ADGRL1: variants seen among roughly 807,000 people sequenced by gnomAD.
ADGRL1 encodes the protein CIRL-1.
A neutral mutation model predicts 148.9 loss-of-function variants in ADGRL1; 31 were observed. That is an observed-to-expected ratio of 0.21 (90% CI 0.16 to 0.28). The LOEUF (loss-of-function observed/expected upper bound fraction) is 0.28. Among genes scored for constraint, ADGRL1 ranks in the 10% least tolerant of loss-of-function variants. The probability of loss-of-function intolerance (pLI) is 1.00; values close to 1 mark genes in which losing one functional copy is unlikely to be tolerated. For synonymous variants in ADGRL1, 937 were observed against 900.3 expected, an observed-to-expected ratio of 1.04 and a Z score of -0.73; for missense variants, 1,521 against 2,058.8, an observed-to-expected ratio of 0.74 and a Z score of 5.05.
At position 14,152,638 on chromosome 19, in the gene ADGRL1, G is replaced by A. The variant is rs1237433071; in HGVS notation, c.3424-25C>T. ...TCTGGGAACACAACCCAAATGTGAG[G>A]GGATCCTTGGGCCACCCACCCTCTG... is the stretch of plus-strand genomic sequence containing the variant. On this transcript the variant is annotated intron_variant, in intron 19 of 22. Transcript: ENST00000361434. This position sits in a 1 kb window ranked among gnomAD's most constrained non-coding sequence, Gnocchi z 6.1. 7 of 1,608,922 alleles carry A rather than the reference G, an allele frequency of 4.4e-6. No individual in the cohort carries two copies. The highest frequency in any genetic ancestry group is 4.0e-5 in the African/African-American group (3 of 74,774).
intron 1 of ADGRL1, among the ~76,000 whole-genome samples, chr19:14,202,585 G>C (rs1319038109): frequency 2.0e-5 from 3 of 152,134 alleles, no homozygotes; most frequent in Non-Finnish European, 4.4e-5. Flanking sequence ...CCCCATATGT[G>C]TTGCTAGAGT....
intron 1 of ADGRL1, among the ~76,000 whole-genome samples, chr19:14,184,904 G>A (rs552107658): frequency 3.9e-4 from 60 of 152,200 alleles, no homozygotes; most frequent in Admixed American, 7.2e-4. Flanking sequence ...CTCCCAAAGT[G>A]CTGGGATTAC....
intron 1 of ADGRL1, among the ~76,000 whole-genome samples, chr19:14,203,840 G>A (rs1972780329): frequency 6.6e-6 from 1 of 152,102 alleles, no homozygotes; most frequent in South Asian, 2.1e-4. Flanking sequence ...CCAGAAGTGG[G>A]GATTGAGATG....
chr19:14,205,253 G>A (rs1972910252), intron 1 of ADGRL1, among the ~76,000 whole-genome samples: 3 of 152,004 alleles, frequency 2.0e-5, no homozygotes, highest in Non-Finnish European at 4.4e-5. Flanking sequence ...CACCTGGGGT[G>A]GGGGTGGGGA....
chr19:14,154,154 T>C (rs1968498592), intron 18 of ADGRL1, among the ~76,000 whole-genome samples: 1 of 151,838 alleles, frequency 6.6e-6, no homozygotes, highest in Admixed American at 6.6e-5. Context: ...GCGTGTGAGG[T>C]GGGGGCTGTG....
intron 1 of ADGRL1, among the ~76,000 whole-genome samples, chr19:14,196,737 C>G (rs1972287992): frequency 6.6e-6 from 1 of 152,206 alleles, no homozygotes; most frequent in Non-Finnish European, 1.5e-5. Context: ...CCTCCTGCAT[C>G]TTCCTTTTGG....
chr19:14,161,706 A>G lies in ADGRL1; in HGVS notation c.1196-80T>C, dbSNP rs1315835533. 1.0e-6 allele frequency: 1 copy of G among 998,324 alleles called. No individual in the cohort carries two copies. The highest frequency in any genetic ancestry group is 1.3e-6 in the Non-Finnish European group (1 of 750,346). 61.8% of individuals were successfully genotyped at this position (998,324 alleles called of 1,614,324 possible). On this transcript the variant is annotated intron_variant, in intron 5 of 22. Coordinates refer to ENST00000361434, the MANE Select transcript of ADGRL1 (RefSeq NM_014921.5). The surrounding 1 kb of genome is among the most constrained non-coding windows in gnomAD (Gnocchi z 4.4). ...GTGCTTGGGCAGGGGGTCCCAGGCC[A>G]TCTTAGCATCTTCCTCATCTACTGA...
rs760618787 is a variant in ADGRL1, at chr19:14,162,768, T to C, written c.1033A>G (p.Thr345Ala). The C allele has an allele frequency of 1.2e-6, 2 of 1,613,882 alleles. No individual in the cohort carries two copies. Among genetic ancestry groups the C allele is most frequent in the African/African-American group, 2.7e-5 (2 of 74,846 alleles). ...ACAGGCTCCTCGCGGTTGGCATTGGTGTTGAAGGCATAGTCCACGCGGTTG... is the reference window on the plus strand; with the variant it reads ...ACAGGCTCCTCGCGGTTGGCATTGGCGTTGAAGGCATAGTCCACGCGGTTG... ...AGNRVDYAFN[T>A]NANREEPVSL... Residue 345 changes from threonine (T) to alanine (A), a missense_variant, in exon 5 of 23, where the codon ACC becomes GCC. Physicochemically the swap from Thr to Ala is moderately conservative, Grantham distance 58. Around this residue, in one of 8 missense-constraint regions of ADGRL1, gnomAD observed 334 missense variants for 512.5 expected, o/e 0.65. Transcript: ENST00000361434. This position sits in a 1 kb window ranked among gnomAD's most constrained non-coding sequence, Gnocchi z 5.4.
intron 1 of ADGRL1, among the ~76,000 whole-genome samples, chr19:14,194,323 A>G (rs775053132): frequency 4.4e-4 from 67 of 152,020 alleles, no homozygotes; most frequent in Non-Finnish European, 7.5e-4. Flanking sequence ...ACACAAAGAG[A>G]GTGAGGAGGG....
intron 2 of ADGRL1, 91 bp downstream of exon 2, chr19:14,183,442 C>A: frequency 3.2e-6 from 4 of 1,231,290 alleles, no homozygotes; most frequent in South Asian, 1.4e-5. Flanking sequence ...TAATTCTTTA[C>A]TGAGTGATCA....
intron 3 of ADGRL1, 54 bp downstream of exon 3, chr19:14,177,477 G>T: frequency 6.7e-7 from 1 of 1,501,564 alleles, no homozygotes; most frequent in Non-Finnish European, 9.3e-7. Context: ...TGGCAGGTGT[G>T]CAGTGCTTTT....
At position 14,177,018 on chromosome 19, in the gene ADGRL1, T is replaced by A. The variant is rs538280758; in HGVS notation, c.284+513A>T. On this transcript the variant is annotated intron_variant, in intron 3 of 22. Transcript: ENST00000361434. ...GTCGAGGTGGGCAGATCACCTGAGG[T>A]CAGGAGTTCGAGACCTGCCTGGCCA... 2.0e-5 allele frequency among the ~76,000 whole-genome samples: 3 copies of A among 151,552 alleles called. No homozygotes were observed. The East Asian group carries it at 5.9e-4, about 30-fold the overall frequency.
Position 14,155,410 on chromosome 19 carries a change from G to A in ADGRL1, c.3243C>T (p.Asn1081=), listed in dbSNP as rs371213083. Residue 1081 remains asparagine (N), a synonymous_variant, in exon 18 of 23, where the codon AAC becomes AAT. Transcript: ENST00000361434. This position sits in a 1 kb window ranked among gnomAD's most constrained non-coding sequence, Gnocchi z 5.0. ...VVMAYLFTTF[N]AFQGVFIFVF... ...CGAAGATGAAGACCCCCTGGAAGGCGTTGAAGGTGGTGAAGAGATAGGCCA... is the reference window on the plus strand; with the variant it reads ...CGAAGATGAAGACCCCCTGGAAGGCATTGAAGGTGGTGAAGAGATAGGCCA... The A allele has an allele frequency of 1.2e-5, 19 of 1,614,040 alleles. No individual in the cohort carries two copies. The highest frequency in any genetic ancestry group is 4.0e-5 in the African/African-American group (3 of 74,924).
At chr19:14,202,056 G>A (rs1357802221) in intron 1 of ADGRL1, among the ~76,000 whole-genome samples, 2 of 151,986 alleles carry the variant, frequency 1.3e-5, no homozygotes, top group African/African-American at 2.4e-5. Flanking sequence ...CAAACGCCCC[G>A]GGGTAGGATC....
chr19:14,172,921 T>G (rs1970579301), intron 3 of ADGRL1, among the ~76,000 whole-genome samples: 1 of 152,158 alleles, frequency 6.6e-6, no homozygotes, highest in Non-Finnish European at 1.5e-5. Flanking sequence ...CTAAAAATTA[T>G]TATTGTTGTT....
rs772158039 is a variant in ADGRL1 at position 14,150,974 on chromosome 19, G to A, written c.4309C>T (p.Gln1437Ter). Reference protein sequence around the residue: ...VARNPLQGYYQVRRPSHEGYL... With the variant: ...VARNPLQGYY Reference sequence around the variant, plus strand: ...CCCTCGTGGCTAGGACGCCGCACCTGGTAGTAGCCCTGCAGGGGATTCCGG... The same window carrying A: ...CCCTCGTGGCTAGGACGCCGCACCTAGTAGTAGCCCTGCAGGGGATTCCGG... Residue 1437 changes from glutamine to a stop codon, truncating the protein, a stop_gained, in exon 23 of 23, where the codon CAG becomes TAG. Coordinates refer to ENST00000361434, the MANE Select transcript of ADGRL1 (RefSeq NM_014921.5). LOFTEE classifies it high-confidence loss of function. 6.2e-7 allele frequency: 1 copy of A among 1,601,470 alleles called. No homozygotes were observed. Among genetic ancestry groups the A allele is most frequent in the South Asian group, 1.1e-5 (1 of 89,508 alleles).
chr19:14,168,446 G>C (rs1970188919), intron 4 of ADGRL1, among the ~76,000 whole-genome samples: 1 of 152,134 alleles, frequency 6.6e-6, no homozygotes, highest in Admixed American at 6.5e-5. Context: ...GTGTGTGTGT[G>C]TGCGTGTGTC....
At chr19:14,195,789 G>A (rs983505754) in intron 1 of ADGRL1, among the ~76,000 whole-genome samples, 1 of 152,172 alleles carries the variant, frequency 6.6e-6, no homozygotes, top group South Asian at 2.1e-4. Context: ...TTGCTGCTCA[G>A]GGACTAACAG....
At position 14,152,345 on chromosome 19, in the gene ADGRL1, A is replaced by T. The variant is rs1363344998; in HGVS notation, c.3613T>A (p.Phe1205Ile). 1.3e-6 allele frequency: 2 copies of T among 1,598,836 alleles called. No individual in the cohort carries two copies. The highest frequency in any genetic ancestry group is 1.7e-6 in the Non-Finnish European group (2 of 1,170,706). ...YNTLIAESVG[F>I]NPSSPPVFNS... ...AAGACAGGGGGCGAGGAGGGATTGA[A>T]GCCCACTGACTCGGCGATGAGGGTG... The change falls in exon 21 of 23, where the codon TTC becomes ATC. Residue 1205 changes from phenylalanine to isoleucine, a missense_variant. Coordinates refer to ENST00000361434, the MANE Select transcript of ADGRL1 (RefSeq NM_014921.5). This position sits in a 1 kb window ranked among gnomAD's most constrained non-coding sequence, Gnocchi z 6.1.
Sources: allele counts gnomAD v4.1 joint callset (sites outside exome capture counted in the v4.1 genomes callset), GRCh38; gene constraint gnomAD v4.1.1; regional missense constraint gnomAD v4.1.1; non-coding constraint Gnocchi (gnomAD v3.1); transcripts MANE v1.5; gene names NCBI Gene and HGNC (gene_info 2026-07-23, HGNC 2026-07-21).